The following CTNNA3 variants were observed in gnomAD, a reference collection of about 807,000 sequenced individuals.
CTNNA3 encodes the protein catenin alpha-3.
In CTNNA3, 76 loss-of-function variants were observed where a neutral mutation model predicts 95.7. The observed-to-expected ratio is 0.79, with a 90% CI of 0.66 to 0.96. CTNNA3 has a LOEUF of 0.96. Ranked by LOEUF, CTNNA3 falls within the 40% of genes least tolerant of loss-of-function variation. The pLI, the probability that CTNNA3 is intolerant of heterozygous loss-of-function variation, is 0.00. For missense variants in CTNNA3, 1,191 were observed against 1,089.8 expected (o/e 1.09, Z -1.31); for synonymous variants, 431 against 374.4 (o/e 1.15, Z -1.74).
chr10:66,388,625 G>T (rs1286206053), intron 11 of CTNNA3, among the ~76,000 whole-genome samples: 1 of 151,900 alleles, frequency 6.6e-6, no homozygotes, highest in Non-Finnish European at 1.5e-5. Flanking sequence ...TAGATGTAAG[G>T]TCAGATATGG....
Position 66,433,379 on chromosome 10 carries a change from T to G in CTNNA3, c.1532-54027A>C, listed in dbSNP as rs1164041541. On this transcript the variant is annotated intron_variant, in intron 11 of 17. Coordinates refer to ENST00000433211, the MANE Select transcript of CTNNA3 (RefSeq NM_013266.4). ...AATGGTATCTCATTGTGGGTTTGAT[T>G]TGCATTTCTCTAATGATCAGTGATA... 5.3e-5 allele frequency among the ~76,000 whole-genome samples: 8 copies of G among 152,248 alleles called. No homozygotes were observed. The South Asian group carries it at 1.7e-3, about 31-fold the overall frequency.
chr10:66,587,138 T>C (rs1362287798), intron 10 of CTNNA3, among the ~76,000 whole-genome samples: 1 of 152,136 alleles, frequency 6.6e-6, no homozygotes, highest in Non-Finnish European at 1.5e-5. Flanking sequence ...TTTAGTGTTT[T>C]GGTTTTCTCA....
chr10:66,723,695 A>G (rs1848698208), intron 9 of CTNNA3, among the ~76,000 whole-genome samples: 1 of 152,154 alleles, frequency 6.6e-6, no homozygotes, highest in South Asian at 2.1e-4. Context: ...TTAACTGCCC[A>G]TTGCCAGCAA....
Position 66,891,905 on chromosome 10 carries a change from C to T in CTNNA3, c.1048-116381G>A, listed in dbSNP as rs371297580. Among the ~76,000 whole-genome samples, 6 of 152,064 alleles carry T rather than the reference C, an allele frequency of 3.9e-5. No individual in the cohort carries two copies. In the East Asian group the frequency reaches 1.2e-3, roughly 29 times the overall value. ...AAGGAATCACAAGGCACCATAAGTTCAGATAAGGGAAAAAACACTAGACTG... is the reference window on the plus strand; with the variant it reads ...AAGGAATCACAAGGCACCATAAGTTTAGATAAGGGAAAAAACACTAGACTG... On this transcript the variant is annotated intron_variant, in intron 7 of 17. Transcript: ENST00000433211.
At chr10:67,132,835 G>A (rs953247030) in intron 7 of CTNNA3, among the ~76,000 whole-genome samples, 2 of 152,042 alleles carry the variant, frequency 1.3e-5, no homozygotes, top group East Asian at 1.9e-4. Flanking sequence ...AATGCCACAC[G>A]TTCCCACTCA....
At chr10:66,675,050 C>T (rs1273369429) in intron 9 of CTNNA3, among the ~76,000 whole-genome samples, 1 of 152,018 alleles carries the variant, frequency 6.6e-6, no homozygotes, top group Non-Finnish European at 1.5e-5. Context: ...TTGTGTGATT[C>T]TCTCTGACAT....
At chr10:65,948,978 CTTG>C (rs1201444621) in intron 17 of CTNNA3, among the ~76,000 whole-genome samples, 1 of 152,058 alleles carries the variant, frequency 6.6e-6, no homozygotes, top group African/African-American at 2.4e-5. Flanking sequence ...TTCTTTAGAG[CTTG>C]TTTCTATTTT....
At chr10:67,021,014 G>T (rs755719352) in intron 7 of CTNNA3, among the ~76,000 whole-genome samples, 2 of 152,142 alleles carry the variant, frequency 1.3e-5, no homozygotes, top group East Asian at 1.9e-4. Flanking sequence ...TGAAGAGTTT[G>T]CCCTTACTTG....
chr10:65,995,507 C>A (rs1023668843), intron 15 of CTNNA3, among the ~76,000 whole-genome samples: 1 of 152,116 alleles, frequency 6.6e-6, no homozygotes, highest in Non-Finnish European at 1.5e-5. Flanking sequence ...ATGAGAACTG[C>A]AGGTGGGTTG....
chr10:66,035,164 T>G (rs1032831597), intron 15 of CTNNA3, among the ~76,000 whole-genome samples: 4 of 152,142 alleles, frequency 2.6e-5, no homozygotes, highest in African/African-American at 9.7e-5. Context: ...GTAGTCCAAA[T>G]TATATATTTC....
intron 6 of CTNNA3, among the ~76,000 whole-genome samples, chr10:67,194,531 G>GTTCC (rs949765981): frequency 2.6e-5 from 4 of 151,064 alleles, no homozygotes; most frequent in African/African-American, 9.7e-5. Flanking sequence ...TATGGAGACA[G>GTTCC]TAAGAAGTCA....
intron 7 of CTNNA3, among the ~76,000 whole-genome samples, chr10:67,009,459 T>C (rs577804313): frequency 6.6e-6 from 1 of 152,282 alleles, no homozygotes; most frequent in South Asian, 2.1e-4. Context: ...CTGATATACA[T>C]AACCTCTTTC....
chr10:66,817,316 C>T (rs182279416), intron 7 of CTNNA3, among the ~76,000 whole-genome samples: 44 of 151,584 alleles, frequency 2.9e-4, no homozygotes, highest in African/African-American at 9.4e-4. Flanking sequence ...AATAATTAAA[C>T]TAGAAATAAA....
intron 1 of CTNNA3, among the ~76,000 whole-genome samples, chr10:67,740,764 A>T (rs1841332366): frequency 6.6e-6 from 1 of 151,376 alleles, no homozygotes; most frequent in Admixed American, 6.6e-5. Flanking sequence ...TTCCTCAGGG[A>T]TCTAGAACTA....
chr10:66,955,860 C>T (rs1848761900), intron 7 of CTNNA3, among the ~76,000 whole-genome samples: 1 of 152,136 alleles, frequency 6.6e-6, no homozygotes, highest in African/African-American at 2.4e-5. Context: ...TTGTGTCTCA[C>T]CTTCATCACC....
At chr10:66,515,900 G>A (rs77144203) in intron 11 of CTNNA3, among the ~76,000 whole-genome samples, 2,919 of 152,084 alleles carry the variant, frequency 0.019, 102 homozygotes, top group African/African-American at 0.065. Flanking sequence ...ATGAGATTTT[G>A]GTGGGGACAT....
intron 14 of CTNNA3, among the ~76,000 whole-genome samples, chr10:66,090,762 G>T (rs965654638): frequency 2.6e-5 from 4 of 152,050 alleles, no homozygotes; most frequent in Non-Finnish European, 5.9e-5. Flanking sequence ...TCTATTATAT[G>T]TCTGTTCATA....
At chr10:67,688,122 C>A (rs1165648633) in intron 1 of CTNNA3, among the ~76,000 whole-genome samples, 7 of 152,144 alleles carry the variant, frequency 4.6e-5, no homozygotes, top group Non-Finnish European at 1.0e-4. Context: ...TTGCCCTAGA[C>A]CCTGTAAGAC....
intron 9 of CTNNA3, among the ~76,000 whole-genome samples, chr10:66,647,220 G>C (rs151309407): frequency 2.8e-4 from 42 of 152,284 alleles, no homozygotes; most frequent in African/African-American, 9.9e-4. Context: ...AGCCAGGAGA[G>C]TCAAAGTATA....
Sources: allele counts gnomAD v4.1 joint callset (sites outside exome capture counted in the v4.1 genomes callset), GRCh38; gene constraint gnomAD v4.1.1; transcripts MANE v1.5; gene names NCBI Gene and HGNC (gene_info 2026-07-23, HGNC 2026-07-21).